PNMA6E: variants seen among roughly 807,000 people sequenced by gnomAD.
The protein encoded by PNMA6E is paraneoplastic antigen Ma6E.
For synonymous variants in PNMA6E, 43 were observed against 17.1 expected, an observed-to-expected ratio of 2.52 and a Z score of -3.74; for missense variants, 78 against 50.8, an observed-to-expected ratio of 1.53 and a Z score of -1.63.
the PNMA6E span, among the ~76,000 whole-genome samples, chrX:153,413,062 G>A: frequency 3.6e-5 from 4 of 110,916 alleles, no homozygotes; most frequent in Non-Finnish European, 5.7e-5. Context: ...TCTGCCAGGT[G>A]GGCAGCAGGT....
chrX:153,411,345 C>A, the PNMA6E span, among the ~76,000 whole-genome samples: 2 of 112,330 alleles, frequency 1.8e-5, no homozygotes, highest in African/African-American at 6.5e-5. Flanking sequence ...CCTCGGGGCG[C>A]GTGGGGAGCC....
At chrX:153,408,944 A>T in the PNMA6E span, among the ~76,000 whole-genome samples, 1 of 111,815 alleles carries the variant, frequency 8.9e-6, no homozygotes, top group Non-Finnish European at 1.9e-5. Context: ...GCCTTCCCCA[A>T]CTTGCTCACT....
the PNMA6E span, among the ~76,000 whole-genome samples, chrX:153,407,415 GC>G: frequency 1.8e-5 from 2 of 110,647 alleles, no homozygotes; most frequent in Non-Finnish European, 3.8e-5. Context: ...TGCTGCCCAG[GC>G]TGGAGTGCAG....
intron 1 of PNMA6E, among the ~76,000 whole-genome samples, chrX:153,400,344 C>T (rs1447491778): frequency 8.9e-6 from 1 of 112,682 alleles, no homozygotes; most frequent in African/African-American, 3.2e-5. Flanking sequence ...CCTCCGGCTC[C>T]GCACCCCGTG....
chrX:153,411,351 G>T, the PNMA6E span, among the ~76,000 whole-genome samples: 73 of 112,361 alleles, frequency 6.5e-4, no homozygotes, highest in Non-Finnish European at 1.2e-3. Context: ...GGCGCGTGGG[G>T]AGCCAGGCCA....
the PNMA6E span, among the ~76,000 whole-genome samples, chrX:153,409,726 T>C: frequency 4.6e-4 from 52 of 112,407 alleles, no homozygotes; most frequent in African/African-American, 1.6e-3. Flanking sequence ...CCAGTGCACA[T>C]GGCCCTTTCT....
At chrX:153,409,736 T>A in the PNMA6E span, among the ~76,000 whole-genome samples, 1 of 112,202 alleles carries the variant, frequency 8.9e-6, no homozygotes, top group Admixed American at 9.4e-5. Flanking sequence ...TGGCCCTTTC[T>A]CTTGCAGTGG....
At chrX:153,412,265 G>A in the PNMA6E span, among the ~76,000 whole-genome samples, 2 of 112,501 alleles carry the variant, frequency 1.8e-5, no homozygotes, top group Admixed American at 9.3e-5. Flanking sequence ...GCCGATGGAA[G>A]TGGTGGGCAA....
At chrX:153,412,487 CAG>C in the PNMA6E span, among the ~76,000 whole-genome samples, 1 of 112,593 alleles carries the variant, frequency 8.9e-6, no homozygotes, top group Non-Finnish European at 1.9e-5. Flanking sequence ...TTAGTAATTA[CAG>C]AGTCTGTTAA....
At chrX:153,407,296 C>G in the PNMA6E span, among the ~76,000 whole-genome samples, 1 of 111,837 alleles carries the variant, frequency 8.9e-6, no homozygotes, top group Admixed American at 9.4e-5. Flanking sequence ...GTCCCTATCA[C>G]CTGAAGGAAT....
the PNMA6E span, among the ~76,000 whole-genome samples, chrX:153,408,285 C>T: frequency 8.9e-6 from 1 of 112,590 alleles, no homozygotes; most frequent in Non-Finnish European, 1.9e-5. Flanking sequence ...GGACGGCCAC[C>T]TCCTGGGGCA....
At chrX:153,412,728 G>A in the PNMA6E span, among the ~76,000 whole-genome samples, 1 of 111,601 alleles carries the variant, frequency 9.0e-6, no homozygotes, top group African/African-American at 3.3e-5. Flanking sequence ...AGCAGAGGGA[G>A]GTGCAGAGGT....
At chrX:153,411,537 C>A in the PNMA6E span, among the ~76,000 whole-genome samples, 1 of 112,753 alleles carries the variant, frequency 8.9e-6, no homozygotes, top group African/African-American at 3.2e-5. Flanking sequence ...TCTTCGCGAG[C>A]GGTACCCAGA....
upstream of PNMA6E, among the ~76,000 whole-genome samples, chrX:153,402,105 T>C (rs1472513279): frequency 9.0e-6 from 1 of 111,371 alleles, no homozygotes; most frequent in African/African-American, 3.3e-5. Context: ...TTACAGGCCC[T>C]ATGTTTTTAT....
chrX:153,402,507 A>T (rs782617718), upstream of PNMA6E, among the ~76,000 whole-genome samples: 1 of 111,571 alleles, frequency 9.0e-6, no homozygotes, highest in East Asian at 2.8e-4. Flanking sequence ...TATAGTTGTC[A>T]TATATATATC....
In PNMA6E at chrX:153,397,611, G is replaced by A. The variant is rs961005750; in HGVS notation, c.1239C>T (p.Thr413=). The A allele has an allele frequency of 3.3e-6, 1 of 299,611 alleles. No individual in the cohort carries two copies. Among genetic ancestry groups the A allele is most frequent in the Non-Finnish European group, 5.8e-6 (1 of 171,308 alleles). The allele number at this position is 299,611 out of a possible 1,213,427, so 24.7% of individuals were successfully genotyped here. ...TRMTSRLKFL[T]CTQGPQEGLF... ...GCCCCTCCTGGGGCCCCTGCGTGCAGGTCAGGAACTTCAGCCTCGAAGTCA... is the reference window on the plus strand; with the variant it reads ...GCCCCTCCTGGGGCCCCTGCGTGCAAGTCAGGAACTTCAGCCTCGAAGTCA... The change falls in exon 2 of 2, where the codon ACC becomes ACT. Residue 413 remains threonine, a synonymous_variant. Coordinates refer to ENST00000445091, the MANE Select transcript of PNMA6E (RefSeq NM_001367770.1).
rs1393240306 is a variant in PNMA6E, at chrX:153,396,045, T to G, written c.*861A>C. ...GCCAAAGCATAGTTCTTGTGGATCC[T>G]CACGCAGCCCCGCTGTGCCCCGGGT... On this transcript the variant is annotated 3_prime_UTR_variant, in exon 2 of 2. Transcript: ENST00000445091. 8 of 117,352 alleles carry G rather than the reference T, an allele frequency of 6.8e-5. No individual in the cohort carries two copies. The highest frequency in any genetic ancestry group is 1.6e-4 in the African/African-American group (5 of 30,924). The allele number at this position is 117,352 out of a possible 1,213,427, so 9.7% of individuals were successfully genotyped here.
chrX:153,412,889 G>A, the PNMA6E span, among the ~76,000 whole-genome samples: 1 of 112,201 alleles, frequency 8.9e-6, no homozygotes, highest in African/African-American at 3.2e-5. Flanking sequence ...GCCCCCTTTT[G>A]GCTAGGTTAC....
rs1017897130 is a variant in PNMA6E at position 153,398,654 on chromosome X, A to G, written c.196T>C (p.Leu66=). ...TTTAAATACTCAGCGAACTCCACCAAGGCTGCCTTGGCCCCGAGCTCCTTT... is the reference window on the plus strand; with the variant it reads ...TTTAAATACTCAGCGAACTCCACCAGGGCTGCCTTGGCCCCGAGCTCCTTT... ...FRKELGAKAA[L]VEFAEYLNRS... The change falls in exon 2 of 2, where the codon TTG becomes CTG. Residue 66 remains leucine (L), a synonymous_variant. Coordinates refer to ENST00000445091, the MANE Select transcript of PNMA6E (RefSeq NM_001367770.1). The G allele has an allele frequency of 4.3e-5, 14 of 325,707 alleles. No individual in the cohort carries two copies. The highest frequency in any genetic ancestry group is 7.4e-5 in the Non-Finnish European group (14 of 188,285). 26.8% of individuals were successfully genotyped at this position (325,707 alleles called of 1,213,427 possible).
Sources: gnomAD v4.1 joint callset for allele counts (sites outside exome capture counted in the v4.1 genomes callset) on GRCh38, gnomAD v4.1.1 for gene constraint, MANE v1.5 for transcripts, NCBI Gene and HGNC (gene_info 2026-07-23, HGNC 2026-07-21) for gene names.